The following CNTNAP2 variants were observed in gnomAD, a reference collection of about 807,000 sequenced individuals.
CNTNAP2 encodes the protein contactin-associated protein-like 2.
Under a neutral mutation model 155.2 loss-of-function variants are expected in CNTNAP2, and 98 were observed. That is an observed-to-expected ratio of 0.63 (90% CI 0.54 to 0.75). CNTNAP2 has a LOEUF of 0.75. CNTNAP2 is among the 30% of genes least tolerant of loss of function. The pLI, the probability that CNTNAP2 is intolerant of heterozygous loss-of-function variation, is 0.00. For synonymous variants in CNTNAP2, 651 were observed against 631.2 expected (o/e 1.03, Z -0.47); for missense variants, 1,727 against 1,688.1 (o/e 1.02, Z -0.40).
chr7:146,145,016 A>T (rs1199542909), intron 1 of CNTNAP2, among the ~76,000 whole-genome samples: 1 of 152,192 alleles, frequency 6.6e-6, no homozygotes, highest in Non-Finnish European at 1.5e-5. Flanking sequence ...GATGGATTTG[A>T]TGAATTTTGT....
At chr7:148,187,549 A>C (rs951537738) in intron 18 of CNTNAP2, among the ~76,000 whole-genome samples, 18 of 152,332 alleles carry the variant, frequency 1.2e-4, no homozygotes, top group Non-Finnish European at 2.4e-4. Flanking sequence ...AAATCCAAAC[A>C]AAACATGGAA....
intron 9 of CNTNAP2, among the ~76,000 whole-genome samples, chr7:147,311,982 T>A (rs1251229088): frequency 6.6e-6 from 1 of 152,100 alleles, no homozygotes; most frequent in East Asian, 1.9e-4. Flanking sequence ...TTATTATTAT[T>A]TACATGTCTC....
chr7:146,641,262 C>G (rs1176617684), intron 1 of CNTNAP2, among the ~76,000 whole-genome samples: 2 of 152,136 alleles, frequency 1.3e-5, no homozygotes, highest in Non-Finnish European at 2.9e-5. Flanking sequence ...AGAGGCGGAG[C>G]TTGCAGTGAG....
At chr7:147,854,529 C>T (rs1049602263) in intron 13 of CNTNAP2, among the ~76,000 whole-genome samples, 47 of 152,098 alleles carry the variant, frequency 3.1e-4, no homozygotes, top group African/African-American at 9.6e-4. Flanking sequence ...CAACTGCATA[C>T]CCACAACATT....
At chr7:147,093,618 C>G (rs930252881) in intron 4 of CNTNAP2, among the ~76,000 whole-genome samples, 2 of 152,160 alleles carry the variant, frequency 1.3e-5, no homozygotes, top group African/African-American at 4.8e-5. Context: ...CCGTAGCGTT[C>G]TGCCCCAAAA....
chr7:147,465,432 A>G (rs1237393719), intron 10 of CNTNAP2, among the ~76,000 whole-genome samples: 2 of 152,138 alleles, frequency 1.3e-5, no homozygotes, highest in Non-Finnish European at 2.9e-5. Flanking sequence ...TTGTGTTCTC[A>G]TAGGGAGATT....
At chr7:146,329,802 T>G (rs1801152017) in intron 1 of CNTNAP2, among the ~76,000 whole-genome samples, 1 of 152,148 alleles carries the variant, frequency 6.6e-6, no homozygotes, top group Non-Finnish European at 1.5e-5. Flanking sequence ...AGGCATTCTA[T>G]GTACAACTGT....
At chr7:147,747,357 T>A (rs1797061762) in intron 13 of CNTNAP2, among the ~76,000 whole-genome samples, 1 of 152,194 alleles carries the variant, frequency 6.6e-6, no homozygotes, top group African/African-American at 2.4e-5. Flanking sequence ...CCACAAGTGT[T>A]TTTAGGATTC....
chr7:146,755,220 T>A (rs1334183775), intron 1 of CNTNAP2, among the ~76,000 whole-genome samples: 1 of 152,014 alleles, frequency 6.6e-6, no homozygotes, highest in South Asian at 2.1e-4. Context: ...ATTGGTGTTG[T>A]CGGTTACTTT....
chr7:147,292,104 T>C (rs557579028), intron 8 of CNTNAP2, among the ~76,000 whole-genome samples: 23 of 152,322 alleles, frequency 1.5e-4, no homozygotes, highest in Admixed American at 1.5e-3. Flanking sequence ...GATCTCAAAT[T>C]ATCAAGTGAT....
At position 148,284,567 on chromosome 7, in the gene CNTNAP2, C is replaced by G. The variant is rs542776203; in HGVS notation, c.3475+17441C>G. On this transcript the variant is annotated intron_variant, in intron 21 of 23. Coordinates refer to ENST00000361727, the MANE Select transcript of CNTNAP2 (RefSeq NM_014141.6). ...GTTACTGCTCAGCACACTAGATTAA[C>G]AAGTCCAACTAAGGCTACCCAGGTA... Among the ~76,000 whole-genome samples, 3 of 150,036 alleles carry G rather than the reference C, an allele frequency of 2.0e-5. No homozygotes were observed. The Admixed American group carries it at 2.0e-4, about 10-fold the overall frequency.
At chr7:147,515,770 A>T (rs967935882) in intron 11 of CNTNAP2, among the ~76,000 whole-genome samples, 3 of 152,212 alleles carry the variant, frequency 2.0e-5, no homozygotes, top group Admixed American at 2.0e-4. Flanking sequence ...TGTCCAGAAC[A>T]TTAGTAGGTA....
intron 1 of CNTNAP2, among the ~76,000 whole-genome samples, chr7:146,410,245 G>C (rs972451079): frequency 2.0e-5 from 3 of 152,222 alleles, no homozygotes; most frequent in South Asian, 4.1e-4. Flanking sequence ...TGTAAATAAA[G>C]TTTTATTGGA....
At chr7:147,681,146 G>T (rs923895676) in intron 13 of CNTNAP2, among the ~76,000 whole-genome samples, 2 of 151,926 alleles carry the variant, frequency 1.3e-5, no homozygotes, top group African/African-American at 4.8e-5. Context: ...GAGCATATTT[G>T]TAACCATCAT....
intron 1 of CNTNAP2, among the ~76,000 whole-genome samples, chr7:146,317,895 A>ACTTTGGGAG (rs1800936130): frequency 2.6e-5 from 4 of 152,232 alleles, no homozygotes; most frequent in Admixed American, 6.5e-5. Flanking sequence ...TAATCCTAGC[A>ACTTTGGGAG]CTTTGGGAGG....
chr7:146,201,463 A>T (rs973774880), intron 1 of CNTNAP2, among the ~76,000 whole-genome samples: 3 of 152,166 alleles, frequency 2.0e-5, no homozygotes, highest in African/African-American at 7.2e-5. Flanking sequence ...GATGTTCAAG[A>T]TACATTAATG....
chr7:146,162,222 G>A (rs1798234666), intron 1 of CNTNAP2, among the ~76,000 whole-genome samples: 1 of 152,164 alleles, frequency 6.6e-6, no homozygotes. Flanking sequence ...AGAGTGAACA[G>A]GCAAGCTACA....
intron 13 of CNTNAP2, among the ~76,000 whole-genome samples, chr7:147,844,697 T>G (rs1329043775): frequency 4.1e-5 from 3 of 72,790 alleles, no homozygotes; most frequent in African/African-American, 1.6e-4. Flanking sequence ...ATGCTTCCAG[T>G]TTTTACCCAT....
chr7:147,265,867 T>C (rs558638792), intron 8 of CNTNAP2, among the ~76,000 whole-genome samples: 1 of 151,992 alleles, frequency 6.6e-6, no homozygotes, highest in East Asian at 1.9e-4. Flanking sequence ...CCCAGGTGAA[T>C]AGTCTGAAGT....
Sources: allele counts gnomAD v4.1 joint callset (sites outside exome capture counted in the v4.1 genomes callset), GRCh38; gene constraint gnomAD v4.1.1; transcripts MANE v1.5; gene names NCBI Gene and HGNC (gene_info 2026-07-23, HGNC 2026-07-21).